Variants in ADARB2 observed in about 807,000 individuals in gnomAD.
The protein encoded by ADARB2 is inactive double-stranded RNA-specific editase B2.
Under a neutral mutation model 62.2 loss-of-function variants are expected in ADARB2, and 25 were observed. That is an observed-to-expected ratio of 0.40 (90% CI 0.29 to 0.56). ADARB2 has a LOEUF of 0.56. ADARB2 is among the 20% of genes least tolerant of loss of function. ADARB2 has a pLI of 0.43. For synonymous variants in ADARB2, 572 were observed against 500.8 expected, an observed-to-expected ratio of 1.14 and a Z score of -1.90; for missense variants, 1,071 against 1,077.4, an observed-to-expected ratio of 0.99 and a Z score of 0.08.
intron 1 of ADARB2, among the ~76,000 whole-genome samples, chr10:1,506,986 G>A (rs565517256): frequency 6.6e-5 from 10 of 152,342 alleles, no homozygotes; most frequent in South Asian, 4.1e-4. Flanking sequence ...CCCACAATCC[G>A]GATCTGCTGC....
intron 1 of ADARB2, among the ~76,000 whole-genome samples, chr10:1,732,001 T>C (rs1835239369): frequency 6.6e-6 from 1 of 152,190 alleles, no homozygotes; most frequent in Non-Finnish European, 1.5e-5. Context: ...CAATATCTGT[T>C]TTGATATAAT....
chr10:1,416,146 T>C (rs1315863197), intron 1 of ADARB2, among the ~76,000 whole-genome samples: 3 of 152,374 alleles, frequency 2.0e-5, no homozygotes, highest in Non-Finnish European at 2.9e-5. Context: ...TGCAGGTTCT[T>C]AGATGGACTG....
chr10:1,467,426 T>G (rs1308552731), intron 1 of ADARB2, among the ~76,000 whole-genome samples: 1 of 152,118 alleles, frequency 6.6e-6, no homozygotes, highest in Non-Finnish European at 1.5e-5. Flanking sequence ...TCCTTCTCAG[T>G]TTCTTCAAGA....
intron 1 of ADARB2, among the ~76,000 whole-genome samples, chr10:1,684,582 TTAAC>T (rs1834577763): frequency 6.6e-6 from 1 of 152,364 alleles, no homozygotes; most frequent in East Asian, 1.9e-4. Flanking sequence ...CTCTTGTCCC[TTAAC>T]TAAAGGTTTA....
chr10:1,347,169 A>G (rs544744153), intron 3 of ADARB2, among the ~76,000 whole-genome samples: 23 of 152,312 alleles, frequency 1.5e-4, no homozygotes, highest in Middle Eastern at 3.4e-3. Context: ...CCAGCCCTCA[A>G]CGTGTTACTC....
rs750869535 is a variant in ADARB2, at chr10:1,363,112, G to T, written c.993C>A (p.Ala331=). ...GRSKKLARGQ[A]AQAALQELFD... ...ACAGCTCCTGCAGTGCGGCCTGCGC[G>T]GCCTGACCCCGGGCCAGCTTCTTGC... Residue 331 remains alanine, a synonymous_variant, in exon 3 of 10, where the codon GCC becomes GCA. Transcript: ENST00000381312. 1 of 1,536,528 alleles carries T rather than the reference G, an allele frequency of 6.5e-7. No individual in the cohort carries two copies. The highest frequency in any genetic ancestry group is 2.6e-5 in the East Asian group (1 of 38,164).
intron 1 of ADARB2, among the ~76,000 whole-genome samples, chr10:1,522,807 A>G (rs537663516): frequency 4.6e-4 from 70 of 152,190 alleles, no homozygotes; most frequent in Non-Finnish European, 8.1e-4. Context: ...CGAGGTCCTC[A>G]GAGGACAGCG....
At chr10:1,475,856 C>T (rs976904423) in intron 1 of ADARB2, among the ~76,000 whole-genome samples, 3 of 152,050 alleles carry the variant, frequency 2.0e-5, no homozygotes, top group Non-Finnish European at 4.4e-5. Context: ...GGGAAATGCC[C>T]CCACAACTGG....
chr10:1,308,025 A>G (rs1831647480), intron 3 of ADARB2, among the ~76,000 whole-genome samples: 1 of 150,194 alleles, frequency 6.7e-6, no homozygotes, highest in South Asian at 2.2e-4. Flanking sequence ...GCACATGTAT[A>G]CATATGTAAC....
At chr10:1,278,289 CTTTTTTTT>C (rs76796387) in intron 3 of ADARB2, among the ~76,000 whole-genome samples, 2 of 141,450 alleles carry the variant, frequency 1.4e-5, no homozygotes, top group African/African-American at 5.2e-5. Context: ...TCCTTTTTTT[CTTTTTTTT>C]TTTTTAAGTT....
chr10:1,270,690 C>T (rs1229550005), intron 4 of ADARB2, among the ~76,000 whole-genome samples: 2 of 152,182 alleles, frequency 1.3e-5, no homozygotes, highest in Non-Finnish European at 2.9e-5. Context: ...GTGGGTCCTC[C>T]GGAAGGGGCT....
At chr10:1,394,261 C>G (rs1194149737) in intron 1 of ADARB2, among the ~76,000 whole-genome samples, 1 of 152,234 alleles carries the variant, frequency 6.6e-6, no homozygotes, top group Non-Finnish European at 1.5e-5. Context: ...CTACTCAAAA[C>G]TGGACAAGTA....
intron 1 of ADARB2, among the ~76,000 whole-genome samples, chr10:1,578,879 G>A (rs1338746429): frequency 1.3e-5 from 2 of 152,034 alleles, no homozygotes; most frequent in Non-Finnish European, 2.9e-5. Flanking sequence ...TTCTCCCTGG[G>A]GCCCTGGGAG....
At chr10:1,466,364 C>A (rs1831254895) in intron 1 of ADARB2, among the ~76,000 whole-genome samples, 1 of 152,204 alleles carries the variant, frequency 6.6e-6, no homozygotes, top group African/African-American at 2.4e-5. Context: ...TGGCCCCTTG[C>A]ATGTTAGGGA....
intron 1 of ADARB2, among the ~76,000 whole-genome samples, chr10:1,468,757 C>T (rs1015379846): frequency 2.6e-5 from 4 of 152,190 alleles, no homozygotes; most frequent in East Asian, 1.9e-4. Context: ...CTTTCGCCTG[C>T]GGAAGCGACG....
At chr10:1,597,249 G>A (rs577307506) in intron 1 of ADARB2, among the ~76,000 whole-genome samples, 1 of 152,238 alleles carries the variant, frequency 6.6e-6, no homozygotes, top group South Asian at 2.1e-4. Flanking sequence ...GGGGATATGT[G>A]TATATAGCAA....
chr10:1,434,247 C>T (rs1830808620), intron 1 of ADARB2, among the ~76,000 whole-genome samples: 2 of 152,078 alleles, frequency 1.3e-5, no homozygotes, highest in Admixed American at 6.5e-5. Context: ...ACACAGAGGC[C>T]GGTATGAGAA....
At chr10:1,369,039 T>C (rs1832341568) in intron 2 of ADARB2, among the ~76,000 whole-genome samples, 1 of 152,206 alleles carries the variant, frequency 6.6e-6, no homozygotes, top group South Asian at 2.1e-4. Context: ...GTGCCGCCCC[T>C]GGCGGCCTCT....
chr10:1,606,219 GTC>G (rs1833491194), intron 1 of ADARB2, among the ~76,000 whole-genome samples: 1 of 152,174 alleles, frequency 6.6e-6, no homozygotes, highest in African/African-American at 2.4e-5. Flanking sequence ...GGGGCCTACA[GTC>G]TTCACCCTAT....
Sources: gnomAD v4.1 joint callset for allele counts (sites outside exome capture counted in the v4.1 genomes callset) on GRCh38, gnomAD v4.1.1 for gene constraint, MANE v1.5 for transcripts, NCBI Gene and HGNC (gene_info 2026-07-23, HGNC 2026-07-21) for gene names.